Variants in NEK4 observed in about 807,000 individuals in gnomAD.
NEK4 encodes the protein NIMA related kinase 4.
Under a neutral mutation model 98.4 loss-of-function variants are expected in NEK4, and 86 were observed. The observed-to-expected ratio is 0.87, with a 90% CI of 0.73 to 1.05. NEK4 has a LOEUF of 1.05. NEK4 is among the 50% of genes least tolerant of loss of function. The probability of loss-of-function intolerance (pLI) is 0.00; values close to 1 mark genes in which losing one functional copy is unlikely to be tolerated. For synonymous variants in NEK4, 328 were observed against 342.2 expected (o/e 0.96, Z 0.46); for missense variants, 898 against 950.3 (o/e 0.94, Z 0.72).
rs1257147043 is a variant in NEK4 at position 52,764,754 on chromosome 3, G to A, written c.667-1130C>T. On this transcript the variant is annotated intron_variant, in intron 4 of 15. Transcript: ENST00000233027. ...AGTTTAAGAATCTGTGGGTGTGCGC[G>A]TGCGCATGCACACACACACACATGC... Among the ~76,000 whole-genome samples, 7 of 143,656 alleles carry A rather than the reference G, an allele frequency of 4.9e-5. No individual in the cohort carries two copies. The South Asian group carries it at 1.1e-3, about 23-fold the overall frequency. 94.2% of individuals were successfully genotyped at this position (143,656 alleles called of 152,430 possible).
In NEK4 at chr3:52,710,497, A is replaced by C. The variant is rs1354575765; in HGVS notation, c.*1280T>G. On this transcript the variant is annotated 3_prime_UTR_variant, in exon 16 of 16. Transcript: ENST00000233027. The stretch of plus-strand genomic sequence containing the variant: ...AAAACAGGGCTGGGCACAGTGGCTC[A>C]TTCCTGTAATCCTGGCACTTTGGGA... The C allele has an allele frequency of 6.6e-6, 1 of 152,242 alleles. No homozygotes were observed. The highest frequency in any genetic ancestry group is 1.5e-5 in the Non-Finnish European group (1 of 68,068). 9.4% of individuals were successfully genotyped at this position (152,242 alleles called of 1,614,324 possible).
At chr3:52,750,439 T>G (rs1460810372) in intron 7 of NEK4, among the ~76,000 whole-genome samples, 1 of 152,010 alleles carries the variant, frequency 6.6e-6, no homozygotes, top group African/African-American at 2.4e-5. Context: ...TCCCAGGTAC[T>G]TGGGAGACGG....
In NEK4 at chr3:52,737,611, TC is replaced by T; in HGVS notation, c.2407del (p.Glu803ArgfsTer25). 1 of 1,613,818 alleles carries T rather than the reference TC, an allele frequency of 6.2e-7. No individual in the cohort carries two copies. Among genetic ancestry groups the T allele is most frequent in the Non-Finnish European group, 8.5e-7 (1 of 1,179,818 alleles). On this transcript the variant is annotated frameshift_variant, in exon 15 of 16. Transcript: ENST00000233027. LOFTEE classifies it high-confidence loss of function. The stretch of plus-strand genomic sequence containing the variant: ...CTCTCTATCAAATTCATCCTCCTCC[TC>T]CAAAAGATCATACACCTGCTCTAAA... ...QLLEQVYDLLEEEDEFDREVR... is the reference protein window; with the variant it reads ...QLLEQVYDLLXEEDEFDREVR...
chr3:52,735,030 A>C (rs2097374029), intron 15 of NEK4: 1 of 176,766 alleles, frequency 5.7e-6, no homozygotes, highest in Non-Finnish European at 1.2e-5. Context: ...CAGTTACTCC[A>C]TGAGGAGAAA....
chr3:52,727,080 T>C (rs895164385), intron 15 of NEK4, among the ~76,000 whole-genome samples: 18 of 151,514 alleles, frequency 1.2e-4, no homozygotes, highest in Non-Finnish European at 2.2e-4. Context: ...GTTCAAGCGA[T>C]TCTCCTGCCT....
chr3:52,761,566 G>A (rs1191181294), intron 5 of NEK4, among the ~76,000 whole-genome samples: 2 of 152,102 alleles, frequency 1.3e-5, no homozygotes, highest in Admixed American at 6.6e-5. Flanking sequence ...GATTACAGGC[G>A]TGAGCCACCA....
intron 14 of NEK4, among the ~76,000 whole-genome samples, chr3:52,738,685 A>C (rs1290453932): frequency 1.3e-5 from 2 of 152,068 alleles, no homozygotes; most frequent in Non-Finnish European, 2.9e-5. Flanking sequence ...TCTTGGACTC[A>C]AGCAATCTGC....
chr3:52,767,062 T>C (rs1698593820), intron 2 of NEK4, among the ~76,000 whole-genome samples: 1 of 151,300 alleles, frequency 6.6e-6, no homozygotes. Context: ...GGTGAGCGGA[T>C]CACTTGAGGC....
intron 15 of NEK4, among the ~76,000 whole-genome samples, chr3:52,715,449 C>T (rs1418598545): frequency 1.3e-5 from 2 of 152,190 alleles, no homozygotes; most frequent in East Asian, 1.9e-4. Flanking sequence ...TGCAGTGGCA[C>T]GATCATGGCT....
intron 10 of NEK4, among the ~76,000 whole-genome samples, 196 bp downstream of exon 10, chr3:52,745,865 G>A (rs116258080): frequency 1.3e-4 from 20 of 152,180 alleles, no homozygotes; most frequent in African/African-American, 4.8e-4. Context: ...TGGGACTATA[G>A]GCACATGCCA....
At position 52,729,779 on chromosome 3, in the gene NEK4, GA is replaced by G. The variant is rs1232910891; in HGVS notation, c.2433+7806del. On this transcript the variant is annotated intron_variant, in intron 15 of 15. Coordinates refer to ENST00000233027, the MANE Select transcript of NEK4 (RefSeq NM_003157.6). ...AAAAAGACTCAAATTACCAAAATAAGAAATTAAAATGGATACATTACTACCA... is the reference window on the plus strand; with the variant it reads ...AAAAAGACTCAAATTACCAAAATAAGAATTAAAATGGATACATTACTACCA... Among the ~76,000 whole-genome samples the G allele has an allele frequency of 4.9e-5, 7 of 141,874 alleles. 1 individual carries two copies. Among genetic ancestry groups the G allele is most frequent in the African/African-American group, 1.8e-4 (7 of 38,372 alleles). The allele number at this position is 141,874 out of a possible 152,430, so 93.1% of individuals were successfully genotyped here. A position where few individuals can be genotyped will look rare whatever the true frequency, so the allele number is the denominator to read the frequency against.
At chr3:52,712,015 T>C in intron 15 of NEK4, 146 bp from the exon 16 acceptor site, 1 of 490,738 alleles carries the variant, frequency 2.0e-6, no homozygotes, top group Non-Finnish European at 3.7e-6. Flanking sequence ...ATAAAACTTT[T>C]AAACTTCAAG....
chr3:52,768,772 C>T (rs1698673164), intron 1 of NEK4, among the ~76,000 whole-genome samples, 168 bp from the exon 2 acceptor site: 2 of 152,094 alleles, frequency 1.3e-5, no homozygotes, highest in Non-Finnish European at 2.9e-5. Flanking sequence ...AAAATATTTG[C>T]TATTATTGAT....
At chr3:52,766,464 G>A in intron 2 of NEK4, 89 bp from the exon 3 acceptor site, 2 of 916,250 alleles carry the variant, frequency 2.2e-6, no homozygotes, top group East Asian at 2.6e-5. Flanking sequence ...GCAATGGCAT[G>A]AGTTAGAGTC....
Position 52,770,894 on chromosome 3 carries a change from C to T in NEK4, c.-148G>A, listed in dbSNP as rs1698759939. ...CCCGGGCGGGATTGCTGGGGCCCGG[C>T]CCGCGACGACGCCGCTGCCATAGCG... On this transcript the variant is annotated 5_prime_UTR_variant, in exon 1 of 16. Coordinates refer to ENST00000233027, the MANE Select transcript of NEK4 (RefSeq NM_003157.6). 9.3e-6 allele frequency: 6 copies of T among 645,904 alleles called. No homozygotes were observed. The highest frequency in any genetic ancestry group is 1.6e-5 in the Non-Finnish European group (6 of 379,482). 40.0% of individuals were successfully genotyped at this position (645,904 alleles called of 1,614,324 possible).
Position 52,755,433 on chromosome 3 carries a change from C to A in NEK4, c.964-3097G>T, listed in dbSNP as rs565208614. Among the ~76,000 whole-genome samples, 15 of 151,318 alleles carry A rather than the reference C, an allele frequency of 9.9e-5. 2 individuals carry two copies. The South Asian group carries it at 3.1e-3, about 31-fold the overall frequency. ...TTAACAGAATGAAGGAAAAAAAACA[C>A]ATGATCATCAACACCCTTATGTGAT... On this transcript the variant is annotated intron_variant, in intron 6 of 15. Transcript: ENST00000233027.
At chr3:52,736,997 C>A (rs943222045) in intron 15 of NEK4, among the ~76,000 whole-genome samples, 5 of 152,106 alleles carry the variant, frequency 3.3e-5, no homozygotes, top group African/African-American at 1.2e-4. Flanking sequence ...AGTGCAGTAG[C>A]GTAATCTCAG....
intron 6 of NEK4, among the ~76,000 whole-genome samples, chr3:52,756,024 TGAAA>T (rs1372067467): frequency 6.6e-6 from 1 of 152,144 alleles, no homozygotes; most frequent in Non-Finnish European, 1.5e-5. Flanking sequence ...AAAATGGTGC[TGAAA>T]GAAATTTAAA....
At chr3:52,763,079 C>A (rs1229886898) in intron 5 of NEK4, among the ~76,000 whole-genome samples, 2 of 152,174 alleles carry the variant, frequency 1.3e-5, no homozygotes, top group African/African-American at 2.4e-5. Context: ...TAATTCTTAT[C>A]TTCCTTTAGC....
Sources: allele counts gnomAD v4.1 joint callset (sites outside exome capture counted in the v4.1 genomes callset), GRCh38; gene constraint gnomAD v4.1.1; transcripts MANE v1.5; gene names NCBI Gene and HGNC (gene_info 2026-07-23, HGNC 2026-07-21).